The following LAMB1 variants were observed in gnomAD, a reference collection of about 807,000 sequenced individuals.
LAMB1 encodes laminin subunit beta-1.
LAMB1 carries 121 observed loss-of-function variants against 222.3 expected under a neutral mutation model. The observed-to-expected ratio is 0.54, with a 90% CI of 0.47 to 0.63. LAMB1 has a LOEUF of 0.63. LAMB1 is among the 30% of genes least tolerant of loss of function. The probability of loss-of-function intolerance (pLI) is 0.00; values close to 1 mark genes in which losing one functional copy is unlikely to be tolerated. For missense variants in LAMB1, 2,172 were observed against 2,240.8 expected (o/e 0.97, Z 0.62); for synonymous variants, 794 against 807.2 (o/e 0.98, Z 0.28).
At chr7:107,954,162 CA>C (rs1340576516) in intron 21 of LAMB1, among the ~76,000 whole-genome samples, 3 of 151,884 alleles carry the variant, frequency 2.0e-5, no homozygotes, top group Admixed American at 6.6e-5. Context: ...CCAAGGATTA[CA>C]TTTTTTTAAG....
intron 7 of LAMB1, among the ~76,000 whole-genome samples, chr7:107,984,926 T>C (rs1308783131): frequency 6.6e-6 from 1 of 152,234 alleles, no homozygotes; most frequent in African/African-American, 2.4e-5. Context: ...CTGTATTTTA[T>C]CTGGTAAGCT....
Position 107,940,551 on chromosome 7 carries a change from T to G in LAMB1, c.3392-193A>C. 3 of 591,146 alleles carry G rather than the reference T, an allele frequency of 5.1e-6. No homozygotes were observed. The South Asian group carries it at 6.3e-5, about 12-fold the overall frequency. 36.6% of individuals were successfully genotyped at this position (591,146 alleles called of 1,614,324 possible). A position where few individuals can be genotyped will look rare whatever the true frequency, so the allele number is the denominator to read the frequency against. On this transcript the variant is annotated intron_variant, in intron 24 of 33. Coordinates refer to ENST00000222399, the MANE Select transcript of LAMB1 (RefSeq NM_002291.3). ...CGTGACTTCAGTGGTTGCTAACCCC[T>G]TCTTAGCAGTAATAATACTTTAAAC...
intron 5 of LAMB1, among the ~76,000 whole-genome samples, chr7:107,987,626 G>A (rs894738351): frequency 4.6e-5 from 7 of 152,066 alleles, no homozygotes; most frequent in East Asian, 3.9e-4. Flanking sequence ...TCAGCCTCCC[G>A]AGTAGCTGGG....
rs537138814 is a variant in LAMB1, at chr7:107,965,714, G to T, written c.1563-1027C>A. Among the ~76,000 whole-genome samples, 40 of 152,266 alleles carry T rather than the reference G, an allele frequency of 2.6e-4. 1 individual carries two copies. Among genetic ancestry groups the T allele is most frequent in the African/African-American group, 8.9e-4 (37 of 41,530 alleles). The stretch of plus-strand genomic sequence containing the variant: ...TACTTTCAACTCATTCTCAAGGTTT[G>T]TTCTTTCTTTTTTTCTCATCCCAAA... On this transcript the variant is annotated intron_variant, in intron 13 of 33. Coordinates refer to ENST00000222399, the MANE Select transcript of LAMB1 (RefSeq NM_002291.3).
intron 14 of LAMB1, among the ~76,000 whole-genome samples, chr7:107,964,055 C>T (rs912036576): frequency 6.6e-6 from 1 of 152,192 alleles, no homozygotes; most frequent in Non-Finnish European, 1.5e-5. Context: ...TGAGATAGTG[C>T]CACTGCACTC....
intron 28 of LAMB1, 47 bp downstream of exon 28, chr7:107,932,124 AGCT>A: frequency 6.5e-7 from 1 of 1,528,260 alleles, no homozygotes. Context: ...TTTAGTCCAC[AGCT>A]GAAAGCAAAC....
intron 7 of LAMB1, 109 bp from the exon 8 acceptor site, chr7:107,980,920 C>A: frequency 1.6e-6 from 1 of 644,414 alleles, no homozygotes; most frequent in Non-Finnish European, 2.7e-6. Context: ...ATGAAAATAG[C>A]TTAAGTTCCT....
intron 24 of LAMB1, 30 bp from the exon 25 acceptor site, chr7:107,940,388 CTACT>C: frequency 6.3e-7 from 1 of 1,591,370 alleles, no homozygotes; most frequent in South Asian, 1.1e-5. Flanking sequence ...GCTAGCTGAT[CTACT>C]TAATCATGAA....
At chr7:107,926,623 A>T (rs994024509) in intron 31 of LAMB1, among the ~76,000 whole-genome samples, 13 of 152,194 alleles carry the variant, frequency 8.5e-5, no homozygotes, top group African/African-American at 3.1e-4. Context: ...ACAGTAAAAA[A>T]AAACAAAAAA....
intron 8 of LAMB1, among the ~76,000 whole-genome samples, chr7:107,979,935 C>A (rs1026709463): frequency 1.3e-5 from 2 of 151,996 alleles, no homozygotes; most frequent in Non-Finnish European, 2.9e-5. Flanking sequence ...TAGCCAGATA[C>A]GGTGGCACAT....
intron 5 of LAMB1, among the ~76,000 whole-genome samples, chr7:107,986,678 G>A (rs1448492442): frequency 6.6e-6 from 1 of 152,208 alleles, no homozygotes; most frequent in African/African-American, 2.4e-5. Flanking sequence ...CATGTCCACT[G>A]TAATATGAGT....
intron 15 of LAMB1, among the ~76,000 whole-genome samples, chr7:107,961,980 T>G (rs1048048265): frequency 6.6e-6 from 1 of 152,204 alleles, no homozygotes; most frequent in African/African-American, 2.4e-5. Context: ...GTGAATATTA[T>G]AGTCCAAATT....
chr7:107,969,174 G>C (rs1562995404), intron 13 of LAMB1, among the ~76,000 whole-genome samples: 1 of 151,868 alleles, frequency 6.6e-6, no homozygotes. Context: ...TGTAGTCCCA[G>C]CTACTTGGGA....
intron 12 of LAMB1, 95 bp downstream of exon 12, chr7:107,974,891 G>A: frequency 4.1e-6 from 3 of 740,698 alleles, no homozygotes; most frequent in South Asian, 2.9e-5. Context: ...GTACACGTGA[G>A]GGTGATCGCA....
intron 13 of LAMB1, among the ~76,000 whole-genome samples, chr7:107,965,338 G>C (rs781591963): frequency 1.0e-3 from 153 of 152,212 alleles, no homozygotes; most frequent in Non-Finnish European, 1.7e-3. Context: ...TCAGCACTTT[G>C]GGAGGCCGAG....
chr7:108,000,412 C>T (rs1372837781), intron 3 of LAMB1, among the ~76,000 whole-genome samples: 2 of 152,212 alleles, frequency 1.3e-5, no homozygotes, highest in African/African-American at 4.8e-5. Context: ...ACACACAATA[C>T]TCTGTCCTCC....
chr7:107,980,621 T>G lies in LAMB1; in HGVS notation c.867A>C (p.Glu289Asp), dbSNP rs2033953328. ...ECAPVDGFNE[E>D]VEGMVHGHCM... ...AGGGCTTACTTACCATTCCTTCCAC[T>G]TCTTCATTGAATCCATCCACAGGGG... The change falls in exon 8 of 34, where the codon GAA (glutamate) becomes GAC (aspartate). Residue 289 changes from glutamate to aspartate, a missense_variant. Transcript: ENST00000222399. 1 of 1,613,898 alleles carries G rather than the reference T, an allele frequency of 6.2e-7. No homozygotes were observed. Among genetic ancestry groups the G allele is most frequent in the Non-Finnish European group, 8.5e-7 (1 of 1,179,874 alleles).
chr7:107,992,435 G>A (rs2034203156), intron 5 of LAMB1, among the ~76,000 whole-genome samples: 1 of 152,234 alleles, frequency 6.6e-6, no homozygotes, highest in Admixed American at 6.5e-5. Context: ...AAGGCTTAAA[G>A]TAGGGTAGTT....
intron 24 of LAMB1, among the ~76,000 whole-genome samples, chr7:107,941,822 CTTTTTTTTTTTTTTTTTTTTTT>C (rs774447066): frequency 1.6e-4 from 5 of 31,842 alleles, no homozygotes; most frequent in Non-Finnish European, 1.6e-4. Flanking sequence ...CCACACCCGG[CTTTTTTTTTTTTTTTTTTTTTT>C]TTTTTTTTTT....
Sources: gnomAD v4.1 joint callset for allele counts (sites outside exome capture counted in the v4.1 genomes callset) on GRCh38, gnomAD v4.1.1 for gene constraint, MANE v1.5 for transcripts, NCBI Gene and HGNC (gene_info 2026-07-23, HGNC 2026-07-21) for gene names.